NAT10: variants seen among roughly 807,000 people sequenced by gnomAD.
The protein encoded by NAT10 is RNA cytidine acetyltransferase.
Under a neutral mutation model 132.2 loss-of-function variants are expected in NAT10, and 109 were observed. The ratio of observed to expected loss-of-function variants is 0.82; its 90% confidence interval spans 0.71 to 0.97. The LOEUF (loss-of-function observed/expected upper bound fraction) is 0.97. Ranked by LOEUF, NAT10 falls within the 50% of genes least tolerant of loss-of-function variation. The pLI is 0.00. For synonymous variants in NAT10, 479 were observed against 478.0 expected, an observed-to-expected ratio of 1.00 and a Z score of -0.03; for missense variants, 1,184 against 1,263.4, an observed-to-expected ratio of 0.94 and a Z score of 0.95.
In NAT10 at chr11:34,118,347, G is replaced by A. The variant is rs184024331; in HGVS notation, c.673-49G>A. ...TGGGGGAGGCTACGTTTTCTGTGTT[G>A]TTCCTCCTGTGACAGTGACAGACCT... is the stretch of plus-strand genomic sequence containing the variant. On this transcript the variant is annotated intron_variant, in intron 7 of 28. Coordinates refer to ENST00000257829, the MANE Select transcript of NAT10 (RefSeq NM_024662.3). 2.3e-4 allele frequency: 365 copies of A among 1,611,032 alleles called. 2 individuals carry two copies. The Admixed American group carries it at 3.1e-3, about 14-fold the overall frequency.
chr11:34,127,983 T>A (rs535587430), intron 12 of NAT10, among the ~76,000 whole-genome samples: 3 of 152,356 alleles, frequency 2.0e-5, no homozygotes, highest in Admixed American at 6.5e-5. Flanking sequence ...TGACTTTTTT[T>A]AAAATTTGAA....
chr11:34,109,439 A>T (rs569863255), intron 3 of NAT10, among the ~76,000 whole-genome samples: 1 of 152,182 alleles, frequency 6.6e-6, no homozygotes, highest in African/African-American at 2.4e-5. Context: ...TTTTGCACTT[A>T]GTAGCCACTT....
At chr11:34,133,468 C>A (rs1480656842) in intron 16 of NAT10, among the ~76,000 whole-genome samples, 1 of 152,190 alleles carries the variant, frequency 6.6e-6, no homozygotes, top group African/African-American at 2.4e-5. Context: ...GAATTAGAGG[C>A]TACAGATTGG....
At chr11:34,110,559 C>CTTTTTTTTTTT (rs948109196) in intron 3 of NAT10, among the ~76,000 whole-genome samples, 21 of 101,740 alleles carry the variant, frequency 2.1e-4, no homozygotes, top group East Asian at 2.6e-4. Context: ...TTTTCTTTCC[C>CTTTTTTTTTTT]TTTTTTTTTT....
chr11:34,142,001 G>T (rs1852343177), intron 26 of NAT10, 184 bp downstream of exon 26: 1 of 630,352 alleles, frequency 1.6e-6, no homozygotes, highest in African/African-American at 1.8e-5. Flanking sequence ...CAGGCCTAGA[G>T]TTGTGCCTCC....
rs143635928 is a variant in NAT10 at position 34,129,347 on chromosome 11, G to A, written c.1245-1466G>A. Among the ~76,000 whole-genome samples, 584 of 152,178 alleles carry A rather than the reference G, an allele frequency of 3.8e-3. 4 individuals carry two copies. Among genetic ancestry groups the A allele is most frequent in the African/African-American group, 0.013 (520 of 41,498 alleles). On this transcript the variant is annotated intron_variant, in intron 12 of 28. Transcript: ENST00000257829. ...TCTAATAGGTGTGAAGTGACCTCTC[G>A]TTATAATTCTCATTTGCATTTCCTG...
chr11:34,134,213 T>C (rs894715291), intron 16 of NAT10, 106 bp from the exon 17 acceptor site: 1 of 912,124 alleles, frequency 1.1e-6, no homozygotes, highest in African/African-American at 1.6e-5. Context: ...AACCTGAACA[T>C]GGGGGTGGAA....
chr11:34,134,664 G>C, intron 18 of NAT10, 78 bp downstream of exon 18: 2 of 1,295,302 alleles, frequency 1.5e-6, no homozygotes, highest in Non-Finnish European at 2.1e-6. Context: ...GCTGGAATAA[G>C]AAGCTGGTCA....
intron 8 of NAT10, among the ~76,000 whole-genome samples, chr11:34,120,745 C>A (rs1207917573): frequency 6.6e-6 from 1 of 152,104 alleles, no homozygotes; most frequent in African/African-American, 2.4e-5. Flanking sequence ...CATGAGCAGA[C>A]CATATGGTGA....
rs553211710 is a variant in NAT10, at chr11:34,119,595, C to A, written c.780+1092C>A. 1.9e-3 allele frequency among the ~76,000 whole-genome samples: 282 copies of A among 152,144 alleles called. 3 individuals are homozygous for A. Among genetic ancestry groups the A allele is most frequent in the Non-Finnish European group, 1.1e-3 (76 of 67,980 alleles). On this transcript the variant is annotated intron_variant, in intron 8 of 28. Coordinates refer to ENST00000257829, the MANE Select transcript of NAT10 (RefSeq NM_024662.3). ...ACAAATGGCCTATGACCAAAAAAAACCAAAAAGTTAATAGAAAAAGAGTAC... is the reference window on the plus strand; with the variant it reads ...ACAAATGGCCTATGACCAAAAAAAAACAAAAAGTTAATAGAAAAAGAGTAC...
In NAT10 at chr11:34,132,113, C is replaced by T. The variant is rs913769378; in HGVS notation, c.1521-12C>T. The T allele has an allele frequency of 4.4e-6, 7 of 1,604,754 alleles. No individual in the cohort carries two copies. The highest frequency in any genetic ancestry group is 5.1e-6 in the Non-Finnish European group (6 of 1,171,530). On this transcript the variant is annotated splice_polypyrimidine_tract_variant and intron_variant, in intron 14 of 28. Transcript: ENST00000257829. ...TATTTGTTTTGTTTTGGTTTCTTAA[C>T]TCCAGACCCAGGTACTATGTTAATA...
Position 34,140,388 on chromosome 11 carries a change from T to G in NAT10, c.2420-12T>G, listed in dbSNP as rs1313639433. On this transcript the variant is annotated splice_polypyrimidine_tract_variant and intron_variant, in intron 23 of 28. Coordinates refer to ENST00000257829, the MANE Select transcript of NAT10 (RefSeq NM_024662.3). ...GTGACCTAACCTGTCTAGCTCTCTA[T>G]CCCATGGACAGCCCTGAGCCGGGAG... 2.5e-6 allele frequency: 4 copies of G among 1,609,462 alleles called. No homozygotes were observed. The highest frequency in any genetic ancestry group is 3.4e-6 in the Non-Finnish European group (4 of 1,176,310).
intron 21 of NAT10, 120 bp downstream of exon 21, chr11:34,137,146 C>A: frequency 1.9e-6 from 2 of 1,078,700 alleles, no homozygotes; most frequent in African/African-American, 1.6e-5. Context: ...GTGGCTGTGC[C>A]TCTGAAGAGG....
intron 16 of NAT10, 121 bp downstream of exon 16, chr11:34,133,263 AG>A: frequency 1.3e-6 from 1 of 791,186 alleles, no homozygotes. Flanking sequence ...TCTGGAACCA[AG>A]GGGCTGGGTC....
intron 28 of NAT10, among the ~76,000 whole-genome samples, chr11:34,144,570 G>C (rs1852399821): frequency 6.6e-6 from 1 of 152,198 alleles, no homozygotes; most frequent in Non-Finnish European, 1.5e-5. Flanking sequence ...GCAAATAACT[G>C]TTTTCATACT....
chr11:34,135,971 A>G lies in NAT10; in HGVS notation c.2029-671A>G, dbSNP rs531348625. Among the ~76,000 whole-genome samples, 4 of 152,088 alleles carry G rather than the reference A, an allele frequency of 2.6e-5. No individual in the cohort carries two copies. The East Asian group carries it at 5.8e-4, about 22-fold the overall frequency. ...AGCCAGACCCTGTCTCAAGCAATGAAAAAAAAAGTTCAAGCTCAGAGGTTT... is the reference window on the plus strand; with the variant it reads ...AGCCAGACCCTGTCTCAAGCAATGAGAAAAAAAGTTCAAGCTCAGAGGTTT... On this transcript the variant is annotated intron_variant, in intron 19 of 28. Coordinates refer to ENST00000257829, the MANE Select transcript of NAT10 (RefSeq NM_024662.3).
intron 25 of NAT10, 145 bp from the exon 26 acceptor site, chr11:34,141,574 A>G (rs1455540783): frequency 8.3e-6 from 6 of 719,374 alleles, no homozygotes. Flanking sequence ...TCTTCCCGCT[A>G]ATATCCACAT....
intron 25 of NAT10, among the ~76,000 whole-genome samples, 186 bp from the exon 26 acceptor site, chr11:34,141,532 AT>A (rs1482496456): frequency 6.6e-6 from 1 of 152,044 alleles, no homozygotes; most frequent in Non-Finnish European, 1.5e-5. Flanking sequence ...CCTATTAGGA[AT>A]TTGGTACATA....
intron 12 of NAT10, among the ~76,000 whole-genome samples, chr11:34,128,224 C>T (rs559459036): frequency 2.6e-5 from 4 of 152,038 alleles, no homozygotes; most frequent in African/African-American, 9.6e-5. Flanking sequence ...TCTGGTGGCG[C>T]GTGCCTGTAA....
Sources: allele counts gnomAD v4.1 joint callset (sites outside exome capture counted in the v4.1 genomes callset), GRCh38; gene constraint gnomAD v4.1.1; transcripts MANE v1.5; gene names NCBI Gene and HGNC (gene_info 2026-07-23, HGNC 2026-07-21).